BRIP1: variants seen among roughly 807,000 people sequenced by gnomAD.
BRIP1 encodes the protein BRCA1 interacting DNA helicase 1, also known as Fanconi anemia group J protein.
A neutral mutation model predicts 119.7 loss-of-function variants in BRIP1; 88 were observed. That is an observed-to-expected ratio of 0.74 (90% CI 0.62 to 0.88). The LOEUF is 0.88. Among genes scored for constraint, BRIP1 ranks in the 40% least tolerant of loss-of-function variants. BRIP1 has a pLI of 0.00. For synonymous variants in BRIP1, 443 were observed against 496.5 expected (o/e 0.89, Z 1.43); for missense variants, 1,259 against 1,455.4 (o/e 0.87, Z 2.20).
At position 61,680,635 on chromosome 17, in the gene BRIP1, A is replaced by G. The variant is rs1362958325; in HGVS notation, c.*2661T>C. 1.3e-5 allele frequency among the ~76,000 whole-genome samples: 2 copies of G among 151,262 alleles called. No homozygotes were observed. The highest frequency in any genetic ancestry group is 2.9e-5 in the Non-Finnish European group (2 of 67,832). On this transcript the variant is annotated 3_prime_UTR_variant, in exon 20 of 20. Coordinates refer to ENST00000259008, the MANE Select transcript of BRIP1 (RefSeq NM_032043.3). ...GCTGGGACTACAGGCGCCCGCCACC[A>G]CGCCTGGCTAATTTTTTGTATTTTT...
chr17:61,790,428 C>T lies in BRIP1; in HGVS notation c.1473+3169G>A, dbSNP rs555608811. 9.2e-5 allele frequency among the ~76,000 whole-genome samples: 14 copies of T among 152,040 alleles called. No individual in the cohort carries two copies. In the South Asian group the frequency reaches 2.7e-3, roughly 29 times the overall value. ...AGGTGTGGTGGCGCATGCCTGTAAT[C>T]CCAGCTACTTGGGAGTCTGAGGCAG... On this transcript the variant is annotated intron_variant, in intron 10 of 19. Transcript: ENST00000259008.
At chr17:61,829,646 G>C (rs1281601312) in intron 6 of BRIP1, among the ~76,000 whole-genome samples, 1 of 152,088 alleles carries the variant, frequency 6.6e-6, no homozygotes. Flanking sequence ...TAAAAGAACT[G>C]AAATCATATA....
chr17:61,799,420 CAA>C lies in BRIP1; in HGVS notation c.1141-123_1141-122del, dbSNP rs1322128109. The C allele has an allele frequency of 4.9e-6, 3 of 610,422 alleles. No individual in the cohort carries two copies. Among genetic ancestry groups the C allele is most frequent in the Non-Finnish European group, 7.6e-6 (3 of 396,040 alleles). 37.8% of individuals were successfully genotyped at this position (610,422 alleles called of 1,614,324 possible). A position where few individuals can be genotyped will look rare whatever the true frequency, so the allele number is the denominator to read the frequency against. ...AATATTGCAAATGCAATTACATAAG[CAA>C]CAGAGATTCTAGGTCTTAAATAAAA... On this transcript the variant is annotated intron_variant, in intron 8 of 19. Transcript: ENST00000259008. The surrounding 1 kb of genome is among the most constrained non-coding windows in gnomAD (Gnocchi z 5.1).
chr17:61,849,599 A>C (rs1372552556), intron 4 of BRIP1, among the ~76,000 whole-genome samples: 1 of 152,218 alleles, frequency 6.6e-6, no homozygotes, highest in Admixed American at 6.5e-5. Context: ...TACAGTATCA[A>C]CGTTTCTTCC....
In BRIP1 at chr17:61,789,472, T is replaced by C. The variant is rs1242173799; in HGVS notation, c.1473+4125A>G. On this transcript the variant is annotated intron_variant, in intron 10 of 19. Coordinates refer to ENST00000259008, the MANE Select transcript of BRIP1 (RefSeq NM_032043.3). The surrounding 1 kb of genome is among the most constrained non-coding windows in gnomAD (Gnocchi z 4.8). ...TGAATCCAAGGCTTTGTAAAAGTAT[T>C]TATAAATCCCATCCTTTATAAACAA... Among the ~76,000 whole-genome samples, 1 of 152,102 alleles carries C rather than the reference T, an allele frequency of 6.6e-6. No individual in the cohort carries two copies. Among genetic ancestry groups the C allele is most frequent in the Non-Finnish European group, 1.5e-5 (1 of 68,014 alleles).
In BRIP1 at chr17:61,730,566, C is replaced by G. The variant is rs1236431199; in HGVS notation, c.2379+12447G>C. The stretch of plus-strand genomic sequence containing the variant: ...GAGAGCAAAATTAATATATAAAGGT[C>G]AAAGTTCCTTTTCTCACCAAAAATA... On this transcript the variant is annotated intron_variant, in intron 16 of 19. Transcript: ENST00000259008. The surrounding 1 kb of genome is among the most constrained non-coding windows in gnomAD (Gnocchi z 4.3). Among the ~76,000 whole-genome samples, 2 of 152,094 alleles carry G rather than the reference C, an allele frequency of 1.3e-5. No individual in the cohort carries two copies. The highest frequency in any genetic ancestry group is 2.4e-5 in the African/African-American group (1 of 41,408).
At chr17:61,829,167 T>A (rs2078452569) in intron 6 of BRIP1, among the ~76,000 whole-genome samples, 1 of 152,060 alleles carries the variant, frequency 6.6e-6, no homozygotes, top group Non-Finnish European at 1.5e-5. Flanking sequence ...TCAGATTGGA[T>A]AAATAAAGAA....
Position 61,784,313 on chromosome 17 carries a change from C to G in BRIP1, c.1585G>C (p.Gly529Arg), listed in dbSNP as rs876659321. 6.2e-7 allele frequency: 1 copy of G among 1,613,370 alleles called. No homozygotes were observed. Among genetic ancestry groups the G allele is most frequent in the Middle Eastern group, 1.7e-4 (1 of 6,004 alleles). Reference protein sequence around the residue: ...ISASTQIMLKGLFMVLDYLFR... With the variant: ...ISASTQIMLKRLFMVLDYLFR... ...AGATAGTCAAGTACCATAAAAAGTC[C>G]TTTAAGCATTATTTGAGTTGATGCA... The change falls in exon 11 of 20, where the codon GGA becomes CGA. Residue 529 changes from glycine (G) to arginine (R), a missense_variant. By Grantham distance (125) the Gly-to-Arg change is moderately radical (BLOSUM62 -2). Around this residue, in one of 3 missense-constraint regions of BRIP1, gnomAD observed 753 missense variants for 891.8 expected, o/e 0.84. Coordinates refer to ENST00000259008, the MANE Select transcript of BRIP1 (RefSeq NM_032043.3).
At chr17:61,833,943 T>A (rs1192184470) in intron 6 of BRIP1, among the ~76,000 whole-genome samples, 2 of 152,154 alleles carry the variant, frequency 1.3e-5, no homozygotes, top group African/African-American at 4.8e-5. Context: ...ATATTTTAGG[T>A]TTTGTGAGCC....
rs1043884944 is a variant in BRIP1 at position 61,804,126 on chromosome 17, C to T, written c.919-2652G>A. 1.2e-4 allele frequency among the ~76,000 whole-genome samples: 18 copies of T among 152,018 alleles called. No homozygotes were observed. The highest frequency in any genetic ancestry group is 2.1e-4 in the South Asian group (1 of 4,830). On this transcript the variant is annotated intron_variant, in intron 7 of 19. Transcript: ENST00000259008. This position sits in a 1 kb window ranked among gnomAD's most constrained non-coding sequence, Gnocchi z 4.5. The stretch of plus-strand genomic sequence containing the variant: ...GGTAGAATAGATATATAAAATCTTA[C>T]AGTAGTTACCTTAAAGGATTAAGGA...
rs2078375268 is a variant in BRIP1, at chr17:61,824,483, A to C, written c.628-15726T>G. Among the ~76,000 whole-genome samples the C allele has an allele frequency of 6.6e-6, 1 of 152,232 alleles. No individual in the cohort carries two copies. The highest frequency in any genetic ancestry group is 2.1e-4 in the South Asian group (1 of 4,832). On this transcript the variant is annotated intron_variant, in intron 6 of 19. Transcript: ENST00000259008. The surrounding 1 kb of genome is among the most constrained non-coding windows in gnomAD (Gnocchi z 4.3). ...ACAGAAATATAGACCAATGGAACAG[A>C]ATAGAAATTCCAAAAGCAAACCCCC...
chr17:61,777,230 CAATG>C (rs1239565791), intron 13 of BRIP1, among the ~76,000 whole-genome samples: 2 of 152,136 alleles, frequency 1.3e-5, no homozygotes, highest in Non-Finnish European at 2.9e-5. Context: ...TTGAAAGAAT[CAATG>C]AATGAATGAT....
intron 6 of BRIP1, among the ~76,000 whole-genome samples, chr17:61,837,359 A>G (rs1350261263): frequency 6.6e-6 from 1 of 152,168 alleles, no homozygotes; most frequent in Non-Finnish European, 1.5e-5. Context: ...AAAGGAAGAA[A>G]AATAGCCTAA....
chr17:61,737,002 A>AT (rs1603301593), intron 16 of BRIP1, among the ~76,000 whole-genome samples: 1 of 152,212 alleles, frequency 6.6e-6, no homozygotes, highest in Non-Finnish European at 1.5e-5. Flanking sequence ...ATCTGTGACA[A>AT]TAACAATATA....
In BRIP1 at chr17:61,765,406, TATATATATATATATATA is replaced by T. The variant is rs1374464088; in HGVS notation, c.2097+10978_2097+10994del. Among the ~76,000 whole-genome samples the T allele has an allele frequency of 5.9e-3, 99 of 16,718 alleles. 2 individuals carry two copies. The highest frequency in any genetic ancestry group is 7.3e-3 in the Non-Finnish European group (56 of 7,646). 11.0% of individuals were successfully genotyped at this position (16,718 alleles called of 152,430 possible). ...ATATATATATATATATATATATATATATATATATATATATATATTTTTTTTTTTTTTTTTTTTTTTTT... is the reference window on the plus strand; with the variant it reads ...ATATATATATATATATATATATATATTTTTTTTTTTTTTTTTTTTTTTTTT... On this transcript the variant is annotated intron_variant, in intron 14 of 19. Coordinates refer to ENST00000259008, the MANE Select transcript of BRIP1 (RefSeq NM_032043.3).
At chr17:61,837,069 T>C (rs1452136352) in intron 6 of BRIP1, among the ~76,000 whole-genome samples, 1 of 152,200 alleles carries the variant, frequency 6.6e-6, no homozygotes, top group Non-Finnish European at 1.5e-5. Flanking sequence ...GTTATAAAGA[T>C]TGAGTTAAAT....
At chr17:61,820,950 A>T (rs1262849750) in intron 6 of BRIP1, among the ~76,000 whole-genome samples, 2 of 112,898 alleles carry the variant, frequency 1.8e-5, no homozygotes, top group Non-Finnish European at 1.7e-5. Flanking sequence ...ACTCTGTCTT[A>T]AAAAAAAAAA....
intron 17 of BRIP1, among the ~76,000 whole-genome samples, chr17:61,698,905 C>G (rs2061569062): frequency 6.6e-6 from 1 of 151,832 alleles, no homozygotes; most frequent in Non-Finnish European, 1.5e-5. Context: ...TTAGTAGAGA[C>G]AGGGTTTCAT....
At chr17:61,766,138 A>G (rs888659423) in intron 14 of BRIP1, among the ~76,000 whole-genome samples, 2 of 152,224 alleles carry the variant, frequency 1.3e-5, no homozygotes, top group Admixed American at 6.5e-5. Flanking sequence ...ACAGTAGAAT[A>G]CTATTACGAG....
Sources: gnomAD v4.1 joint callset for allele counts (sites outside exome capture counted in the v4.1 genomes callset) on GRCh38, gnomAD v4.1.1 for gene constraint, gnomAD v4.1.1 regional missense constraint, Gnocchi (gnomAD v3.1) non-coding constraint, MANE v1.5 for transcripts, NCBI Gene and HGNC (gene_info 2026-07-23, HGNC 2026-07-21) for gene names.